The following LANCL1 variants were observed in gnomAD, a reference collection of about 807,000 sequenced individuals.
LANCL1 encodes the protein LanC like glutathione S-transferase 1, also known as glutathione S-transferase LANCL1.
In LANCL1, 50 loss-of-function variants were observed where a neutral mutation model predicts 50.6. That is an observed-to-expected ratio of 0.99 (90% CI 0.79 to 1.25). The LOEUF (loss-of-function observed/expected upper bound fraction) is 1.25, where lower values mean the gene tolerates loss of function less well. Ranked by LOEUF, LANCL1 falls within the 50% of genes most tolerant of loss-of-function variation. LANCL1 has a pLI of 0.00. For missense variants in LANCL1, 532 were observed against 480.7 expected (o/e 1.11, Z -1.00); for synonymous variants, 188 against 178.6 (o/e 1.05, Z -0.42).
chr2:210,456,360 G>C (rs1448117232), intron 3 of LANCL1, among the ~76,000 whole-genome samples: 3 of 152,150 alleles, frequency 2.0e-5, no homozygotes, highest in Non-Finnish European at 4.4e-5. Flanking sequence ...TTTAAATTTA[G>C]ATAGTTTTCT....
intron 2 of LANCL1, among the ~76,000 whole-genome samples, chr2:210,472,770 A>G (rs1410549221): frequency 1.3e-5 from 2 of 152,222 alleles, no homozygotes; most frequent in African/African-American, 2.4e-5. Context: ...CAGGATAATA[A>G]TAACTGCCAC....
At position 210,476,758 on chromosome 2, in the gene LANCL1, C is replaced by T; in HGVS notation, c.-155G>A. 9.7e-7 allele frequency: 1 copy of T among 1,035,198 alleles called. No individual in the cohort carries two copies. Among genetic ancestry groups the T allele is most frequent in the South Asian group, 3.9e-5 (1 of 25,738 alleles). The allele number at this position is 1,035,198 out of a possible 1,614,324, so 64.1% of individuals were successfully genotyped here. ...GGACAGTAACAGAAGGGCTATTTTA[C>T]CGCCCAGTTCCTGCCAGGAGGGCCA... On this transcript the variant is annotated 5_prime_UTR_variant, in exon 1 of 10. Transcript: ENST00000450366.
At chr2:210,434,878 T>C (rs1692869518) in intron 9 of LANCL1, among the ~76,000 whole-genome samples, 1 of 151,948 alleles carries the variant, frequency 6.6e-6, no homozygotes, top group South Asian at 2.1e-4. Flanking sequence ...TTTTTAACAT[T>C]AACAACATTA....
At chr2:210,461,062 T>C (rs1403689847) in intron 3 of LANCL1, among the ~76,000 whole-genome samples, 1 of 152,092 alleles carries the variant, frequency 6.6e-6, no homozygotes, top group Admixed American at 6.5e-5. Context: ...GGAATGAAAA[T>C]GACAAACACC....
chr2:210,447,997 A>G (rs1693396547), intron 4 of LANCL1, among the ~76,000 whole-genome samples: 1 of 152,198 alleles, frequency 6.6e-6, no homozygotes. Context: ...GCTCTGGACC[A>G]AGCAGACCTA....
chr2:210,471,037 C>CGATTTTTTTTTTTT (rs1559722955), intron 3 of LANCL1, among the ~76,000 whole-genome samples: 1 of 142,056 alleles, frequency 7.0e-6, no homozygotes, highest in African/African-American at 2.6e-5. Flanking sequence ...AACTTTTCTT[C>CGATTTTTTTTTTTT]TTTGATTTTT....
chr2:210,471,280 C>T (rs1039869875), intron 3 of LANCL1, among the ~76,000 whole-genome samples: 5 of 132,156 alleles, frequency 3.8e-5, no homozygotes, highest in Admixed American at 7.7e-5. Flanking sequence ...CTCTTGACCT[C>T]GTGATCCACC....
chr2:210,441,270 A>T (rs771377733), intron 5 of LANCL1, 38 bp downstream of exon 5: 2 of 1,595,032 alleles, frequency 1.3e-6, no homozygotes, highest in African/African-American at 2.7e-5. Context: ...AGTAAATGGG[A>T]TCCTAAAAAG....
chr2:210,470,922 T>G (rs751586757), intron 3 of LANCL1, among the ~76,000 whole-genome samples: 5 of 152,062 alleles, frequency 3.3e-5, no homozygotes, highest in Admixed American at 6.5e-5. Context: ...CCTTGCCCAC[T>G]CTTTAAAGCG....
chr2:210,445,566 T>A (rs1693296888), intron 4 of LANCL1, among the ~76,000 whole-genome samples: 1 of 152,140 alleles, frequency 6.6e-6, no homozygotes, highest in African/African-American at 2.4e-5. Flanking sequence ...AAGTTGTACA[T>A]GCTATATTCT....
chr2:210,444,613 T>C (rs1356642020), intron 4 of LANCL1, among the ~76,000 whole-genome samples: 7 of 152,220 alleles, frequency 4.6e-5, no homozygotes, highest in African/African-American at 7.2e-5. Flanking sequence ...TAGTTAAATA[T>C]GCAAATGCTG....
intron 3 of LANCL1, chr2:210,461,014 A>G (rs1330035261): frequency 6.6e-6 from 1 of 152,156 alleles, no homozygotes; most frequent in Non-Finnish European, 1.5e-5. Flanking sequence ...TAGCCCACCA[A>G]CTATGAATTG....
intron 3 of LANCL1, among the ~76,000 whole-genome samples, chr2:210,456,315 G>T (rs1693673272): frequency 6.6e-6 from 1 of 152,102 alleles, no homozygotes; most frequent in African/African-American, 2.4e-5. Context: ...TAAAAATGCT[G>T]TCTGCAAAAT....
At chr2:210,436,977 C>T (rs932992366) in intron 7 of LANCL1, among the ~76,000 whole-genome samples, 5 of 152,078 alleles carry the variant, frequency 3.3e-5, no homozygotes, top group African/African-American at 1.2e-4. Context: ...ATATCTAATT[C>T]TCTGAAATGT....
At chr2:210,463,177 A>G (rs10804183) in intron 3 of LANCL1, among the ~76,000 whole-genome samples, 82,384 of 151,580 alleles carry the variant, frequency 0.54, 22,999 homozygotes, top group East Asian at 0.82. Flanking sequence ...CGGTGAAATG[A>G]GGATATGAAT....
intron 4 of LANCL1, among the ~76,000 whole-genome samples, chr2:210,444,536 G>A (rs950272234): frequency 6.6e-6 from 1 of 152,214 alleles, no homozygotes; most frequent in African/African-American, 2.4e-5. Context: ...AGCATGGCTA[G>A]TTGCAGTTAG....
intron 4 of LANCL1, among the ~76,000 whole-genome samples, chr2:210,453,262 A>G (rs1420417975): frequency 6.6e-6 from 1 of 152,232 alleles, no homozygotes; most frequent in Non-Finnish European, 1.5e-5. Flanking sequence ...AAATCTTAGC[A>G]TACTCTTAGG....
chr2:210,459,481 G>A (rs1693776968), intron 3 of LANCL1, among the ~76,000 whole-genome samples: 2 of 152,084 alleles, frequency 1.3e-5, no homozygotes, highest in South Asian at 2.1e-4. Flanking sequence ...AGTAATATAA[G>A]TTAATTAAAA....
chr2:210,436,317 T>G lies in LANCL1; in HGVS notation c.949A>C (p.Lys317Gln). The change falls in exon 8 of 10, where the codon AAG becomes CAG. Residue 317 changes from lysine (K) to glutamine (Q), a missense_variant. Coordinates refer to ENST00000450366, the MANE Select transcript of LANCL1 (RefSeq NM_006055.3). The part of the protein sequence containing the change: ...DVIWQYGLLK[K>Q]GYGLCHGSAG... ...GAACCGTGGCACAGCCCATATCCCT[T>G]CTTCAGCAACCCATATTGCCAGATC... 2 of 1,614,100 alleles carry G rather than the reference T, an allele frequency of 1.2e-6. No homozygotes were observed. The highest frequency in any genetic ancestry group is 2.2e-5 in the South Asian group (2 of 91,080).
Sources: allele counts gnomAD v4.1 joint callset (sites outside exome capture counted in the v4.1 genomes callset), GRCh38; gene constraint gnomAD v4.1.1; transcripts MANE v1.5; gene names NCBI Gene and HGNC (gene_info 2026-07-23, HGNC 2026-07-21).